CDCP1: variants seen among roughly 807,000 people sequenced by gnomAD.
CDCP1 encodes the protein CUB domain-containing protein 1.
In CDCP1, 29 loss-of-function variants were observed where a neutral mutation model predicts 60.2. That is an observed-to-expected ratio of 0.48 (90% CI 0.36 to 0.66). CDCP1 has a LOEUF of 0.66. Among genes scored for constraint, CDCP1 ranks in the 30% least tolerant of loss-of-function variants. CDCP1 has a pLI of 0.00. For synonymous variants in CDCP1, 387 were observed against 431.1 expected (o/e 0.90, Z 1.27); for missense variants, 876 against 1,074.3 (o/e 0.82, Z 2.58).
chr3:45,109,915 T>C (rs907167850), intron 4 of CDCP1, among the ~76,000 whole-genome samples: 4 of 152,182 alleles, frequency 2.6e-5, no homozygotes, highest in African/African-American at 4.8e-5. Context: ...GTTCTGAGCT[T>C]GCTCTGCTCT....
intron 4 of CDCP1, among the ~76,000 whole-genome samples, chr3:45,102,743 C>G (rs1698500930): frequency 1.3e-5 from 2 of 152,090 alleles, no homozygotes; most frequent in Admixed American, 6.6e-5. Context: ...TCACTGCAGC[C>G]GCCGCCTCCT....
rs572169842 is a variant in CDCP1 at position 45,124,715 on chromosome 3, A to G, written c.83-6094T>C. ...CAGATCCCTGCTTTTCAGACTGAGC[A>G]TCAGATAAGTCGTGATATGCTTTTA... On this transcript the variant is annotated intron_variant, in intron 1 of 8. Transcript: ENST00000296129. 2.9e-4 allele frequency among the ~76,000 whole-genome samples: 44 copies of G among 152,342 alleles called. 1 individual carries two copies. The highest frequency in any genetic ancestry group is 3.4e-3 in the Middle Eastern group (1 of 294).
chr3:45,136,082 G>A (rs922937110), intron 1 of CDCP1, among the ~76,000 whole-genome samples: 3 of 152,134 alleles, frequency 2.0e-5, no homozygotes, highest in African/African-American at 4.8e-5. Context: ...ACAAGGGGTC[G>A]CCAATATCTA....
intron 1 of CDCP1, among the ~76,000 whole-genome samples, chr3:45,131,807 A>G (rs1699099294): frequency 2.6e-5 from 4 of 152,258 alleles, no homozygotes; most frequent in Admixed American, 2.0e-4. Flanking sequence ...TGGTTAGCAC[A>G]TAATGCAGCC....
At chr3:45,089,275 A>C in intron 7 of CDCP1, 134 bp from the exon 8 acceptor site, 2 of 676,470 alleles carry the variant, frequency 3.0e-6, no homozygotes, top group Non-Finnish European at 5.4e-6. Flanking sequence ...TTGTGTGCAC[A>C]TGGGGCTCCT....
At chr3:45,088,288 T>C (rs6784138) in intron 8 of CDCP1, among the ~76,000 whole-genome samples, 37,141 of 151,164 alleles carry the variant, frequency 0.25, 4,682 homozygotes, top group Middle Eastern at 0.29. Flanking sequence ...TTAAGACCAA[T>C]CTGGCCAATA....
At position 45,108,704 on chromosome 3, in the gene CDCP1, CAT is replaced by C. The variant is rs72251852; in HGVS notation, c.1024+1767_1024+1768del. On this transcript the variant is annotated intron_variant, in intron 4 of 8. Transcript: ENST00000296129. ...CACTATATATATATGTGCATGTATA[CAT>C]ATATATATGCATGTATACATATATA... 1.2e-3 allele frequency among the ~76,000 whole-genome samples: 168 copies of C among 138,828 alleles called. 22 individuals carry two copies. Among genetic ancestry groups the C allele is most frequent in the Middle Eastern group, 0.011 (3 of 274 alleles). The allele number at this position is 138,828 out of a possible 152,430, so 91.1% of individuals were successfully genotyped here.
intron 1 of CDCP1, among the ~76,000 whole-genome samples, chr3:45,122,654 A>C (rs1698906622): frequency 6.6e-6 from 1 of 151,654 alleles, no homozygotes; most frequent in Non-Finnish European, 1.5e-5. Context: ...GGGTTTCACC[A>C]TGTTGGCTGG....
At chr3:45,102,807 A>C (rs1303646924) in intron 4 of CDCP1, among the ~76,000 whole-genome samples, 3 of 152,004 alleles carry the variant, frequency 2.0e-5, no homozygotes, top group South Asian at 2.1e-4. Flanking sequence ...ACCACTCCCT[A>C]GTAGCACATG....
In CDCP1 at chr3:45,146,359, G is replaced by A. The variant is rs928910146; in HGVS notation, c.-72C>T. ...CGGCGGCCCCAGGCGCCCAAGCCCG[G>A]CGCAGCTGCGCTCCGCCCTGGCTCA... On this transcript the variant is annotated 5_prime_UTR_variant, in exon 1 of 9. Coordinates refer to ENST00000296129, the MANE Select transcript of CDCP1 (RefSeq NM_022842.5). The A allele has an allele frequency of 4.4e-5, 59 of 1,336,986 alleles. No homozygotes were observed. Among genetic ancestry groups the A allele is most frequent in the Non-Finnish European group, 5.3e-5 (53 of 993,980 alleles). 82.8% of individuals were successfully genotyped at this position (1,336,986 alleles called of 1,614,324 possible).
chr3:45,137,052 A>G (rs1469395539), intron 1 of CDCP1, among the ~76,000 whole-genome samples: 1 of 152,242 alleles, frequency 6.6e-6, no homozygotes, highest in Non-Finnish European at 1.5e-5. Context: ...TAAATAATAT[A>G]TGAAGCACAC....
chr3:45,109,441 A>G (rs1367814352), intron 4 of CDCP1, among the ~76,000 whole-genome samples: 2 of 152,000 alleles, frequency 1.3e-5, no homozygotes, highest in Admixed American at 6.5e-5. Flanking sequence ...TACTTCCTAG[A>G]AGTAAATAAT....
chr3:45,104,038 G>A (rs962995278), intron 4 of CDCP1, among the ~76,000 whole-genome samples: 9 of 152,180 alleles, frequency 5.9e-5, no homozygotes, highest in Non-Finnish European at 8.8e-5. Context: ...TTCTGTTGCC[G>A]TCCATTCTCA....
At chr3:45,109,525 T>C (rs950829556) in intron 4 of CDCP1, among the ~76,000 whole-genome samples, 1 of 152,128 alleles carries the variant, frequency 6.6e-6, no homozygotes. Flanking sequence ...AATGTCCTGG[T>C]TGGAGACCAC....
In CDCP1 at chr3:45,112,202, C is replaced by T. The variant is rs1300571185; in HGVS notation, c.536G>A (p.Ser179Asn). The change falls in exon 3 of 9, where the codon AGC (serine) becomes AAC (asparagine). Residue 179 changes from serine to asparagine, a missense_variant. Transcript: ENST00000296129. ...CTTGATCCGGGACACAGTGCCATTG[C>T]TGCAGAAGGTTCCGATCCTGACCAC... ...ATVVRIGTFC[S>N]NGTVSRIKMQ... 6.2e-6 allele frequency: 10 copies of T among 1,614,176 alleles called. No individual in the cohort carries two copies. Among genetic ancestry groups the T allele is most frequent in the Non-Finnish European group, 8.5e-6 (10 of 1,180,028 alleles).
At chr3:45,095,262 C>G in intron 5 of CDCP1, 85 bp downstream of exon 5, 1 of 1,252,606 alleles carries the variant, frequency 8.0e-7, no homozygotes, top group East Asian at 2.4e-5. Flanking sequence ...TGATTTACAA[C>G]CTACCCAGGG....
intron 4 of CDCP1, among the ~76,000 whole-genome samples, chr3:45,108,530 C>T (rs1332497076): frequency 6.6e-6 from 1 of 151,874 alleles, no homozygotes; most frequent in East Asian, 1.9e-4. Flanking sequence ...AGCATTCCAC[C>T]ATGACTGAGG....
In CDCP1 at chr3:45,108,741, A is replaced by G. The variant is rs1214134791; in HGVS notation, c.1024+1732T>C. Among the ~76,000 whole-genome samples the G allele has an allele frequency of 3.0e-5, 4 of 131,812 alleles. 1 individual carries two copies. Among genetic ancestry groups the G allele is most frequent in the Admixed American group, 3.0e-4 (4 of 13,208 alleles). 86.5% of individuals were successfully genotyped at this position (131,812 alleles called of 152,430 possible). A position where few individuals can be genotyped will look rare whatever the true frequency, so the allele number is the denominator to read the frequency against. The stretch of plus-strand genomic sequence containing the variant: ...CATGTATACATATATATATGCATGT[A>G]TACATATATATGCATGTATATATAT... On this transcript the variant is annotated intron_variant, in intron 4 of 8. Transcript: ENST00000296129.
intron 1 of CDCP1, among the ~76,000 whole-genome samples, chr3:45,140,802 T>C (rs559562932): frequency 5.3e-5 from 8 of 152,354 alleles, no homozygotes; most frequent in African/African-American, 1.4e-4. Context: ...TTGGCCAAGG[T>C]CTATTTCAGA....
Sources: allele counts gnomAD v4.1 joint callset (sites outside exome capture counted in the v4.1 genomes callset), GRCh38; gene constraint gnomAD v4.1.1; transcripts MANE v1.5; gene names NCBI Gene and HGNC (gene_info 2026-07-23, HGNC 2026-07-21).